Variants in GRIN2A observed in about 807,000 individuals in gnomAD.
GRIN2A encodes glutamate ionotropic receptor NMDA type subunit 2A.
A neutral mutation model predicts 113.4 loss-of-function variants in GRIN2A; 22 were observed. That is an observed-to-expected ratio of 0.19 (90% confidence interval 0.14 to 0.28). The LOEUF (loss-of-function observed/expected upper bound fraction) is 0.28. GRIN2A is among the 10% of genes least tolerant of loss of function. GRIN2A has a pLI of 1.00. For synonymous variants in GRIN2A, 827 were observed against 738.4 expected (o/e 1.12, Z -1.94); for missense variants, 1,502 against 1,887.0 (o/e 0.80, Z 3.78).
At chr16:10,005,898 A>G (rs1454782473) in intron 2 of GRIN2A, among the ~76,000 whole-genome samples, 1 of 152,238 alleles carries the variant, frequency 6.6e-6, no homozygotes, top group Non-Finnish European at 1.5e-5. Flanking sequence ...ACAGTGACAC[A>G]CACATTTACA....
chr16:10,039,765 G>GGAGGGCGAGGGAGGGGGA (rs2047108796), intron 2 of GRIN2A, among the ~76,000 whole-genome samples: 2 of 112,904 alleles, frequency 1.8e-5, no homozygotes, highest in East Asian at 3.7e-4. Flanking sequence ...AATGTGCAAG[G>GGAGGGCGAGGGAGGGGGA]GAGGGAGAGG....
intron 4 of GRIN2A, among the ~76,000 whole-genome samples, chr16:9,860,773 A>AG (rs2043054404): frequency 6.6e-6 from 1 of 152,096 alleles, no homozygotes; most frequent in South Asian, 2.1e-4. Flanking sequence ...GATGGGCTGT[A>AG]GGGGTGGGGA....
At chr16:9,883,722 G>T (rs1400800009) in intron 4 of GRIN2A, among the ~76,000 whole-genome samples, 1 of 152,228 alleles carries the variant, frequency 6.6e-6, no homozygotes, top group Non-Finnish European at 1.5e-5. Context: ...GGTCAGCCAC[G>T]TGTGGTGCTG....
At chr16:10,120,029 G>A (rs1212657875) in intron 2 of GRIN2A, among the ~76,000 whole-genome samples, 1 of 151,992 alleles carries the variant, frequency 6.6e-6, no homozygotes, top group South Asian at 2.1e-4. Context: ...TTGTGAATAG[G>A]GCTGCAGAAT....
In GRIN2A at chr16:9,753,537, G is replaced by C. The variant is rs1051159032; in HGVS notation, c.*9612C>G. 4.9e-6 allele frequency: 1 copy of C among 202,410 alleles called. No homozygotes were observed. Among genetic ancestry groups the C allele is most frequent in the Non-Finnish European group, 1.0e-5 (1 of 98,462 alleles). The allele number at this position is 202,410 out of a possible 1,614,324, so 12.5% of individuals were successfully genotyped here. Reference sequence around the variant, plus strand: ...GTTATATACATATCAGTTTGCACACGAATTTCAATCCCCATTCCTTAAAAC... The same window carrying C: ...GTTATATACATATCAGTTTGCACACCAATTTCAATCCCCATTCCTTAAAAC... On this transcript the variant is annotated 3_prime_UTR_variant, in exon 13 of 13. Coordinates refer to ENST00000330684, the MANE Select transcript of GRIN2A (RefSeq NM_001134407.3).
At chr16:9,873,107 C>G (rs1360721800) in intron 4 of GRIN2A, among the ~76,000 whole-genome samples, 1 of 152,048 alleles carries the variant, frequency 6.6e-6, no homozygotes, top group African/African-American at 2.4e-5. Flanking sequence ...CATGTTCTCA[C>G]TTGTAAGTGG....
At chr16:10,139,412 G>A (rs1393432350) in intron 2 of GRIN2A, among the ~76,000 whole-genome samples, 1 of 152,194 alleles carries the variant, frequency 6.6e-6, no homozygotes, top group Non-Finnish European at 1.5e-5. Flanking sequence ...AATGAAAACA[G>A]AAAATAGATC....
intron 2 of GRIN2A, among the ~76,000 whole-genome samples, chr16:10,128,642 C>T (rs2048996779): frequency 6.6e-6 from 1 of 152,214 alleles, no homozygotes; most frequent in African/African-American, 2.4e-5. Flanking sequence ...CTCCCCCTCT[C>T]TCCAACAGAT....
chr16:10,095,256 G>A (rs1275101806), intron 2 of GRIN2A, among the ~76,000 whole-genome samples: 1 of 152,106 alleles, frequency 6.6e-6, no homozygotes, highest in Non-Finnish European at 1.5e-5. Context: ...ATAAATTTTT[G>A]TTGTTTAAGA....
At chr16:9,901,525 C>T (rs2043924266) in intron 3 of GRIN2A, among the ~76,000 whole-genome samples, 1 of 152,088 alleles carries the variant, frequency 6.6e-6, no homozygotes, top group Admixed American at 6.5e-5. Context: ...AATGGTGCGA[C>T]CTCGGCTCAC....
At chr16:9,905,397 C>A (rs536762011) in intron 3 of GRIN2A, among the ~76,000 whole-genome samples, 1 of 152,120 alleles carries the variant, frequency 6.6e-6, no homozygotes, top group Non-Finnish European at 1.5e-5. Flanking sequence ...ATTTCTCATG[C>A]TTTTCAGAAC....
chr16:9,768,764 A>G lies in GRIN2A; in HGVS notation c.2595+87T>C, dbSNP rs191866123. The stretch of plus-strand genomic sequence containing the variant: ...CCAAGAAAGGCTGGTAAGGGGAGGA[A>G]GTGCAGACCCCACTGAGACATCAAG... On this transcript the variant is annotated intron_variant, in intron 12 of 12. Coordinates refer to ENST00000330684, the MANE Select transcript of GRIN2A (RefSeq NM_001134407.3). The G allele has an allele frequency of 5.3e-5, 46 of 870,754 alleles. No homozygotes were observed. In the African/African-American group the frequency reaches 6.2e-4, roughly 12 times the overall value. The allele number at this position is 870,754 out of a possible 1,614,324, so 53.9% of individuals were successfully genotyped here. A position where few individuals can be genotyped will look rare whatever the true frequency, so the allele number is the denominator to read the frequency against.
chr16:9,853,199 C>G (rs965677059), intron 4 of GRIN2A, among the ~76,000 whole-genome samples: 5 of 152,092 alleles, frequency 3.3e-5, no homozygotes, highest in African/African-American at 1.2e-4. Context: ...AGGTGGAGAC[C>G]AGAAAATGCA....
intron 2 of GRIN2A, 105 bp downstream of exon 2, chr16:10,179,893 C>CCCCAGAAAAAA: frequency 1.4e-6 from 1 of 719,818 alleles, no homozygotes. Context: ...CCCCCACCCC[C>CCCCAGAAAAAA]ACTTCACATC....
At chr16:10,073,000 G>C (rs2047789776) in intron 2 of GRIN2A, among the ~76,000 whole-genome samples, 1 of 135,772 alleles carries the variant, frequency 7.4e-6, no homozygotes, top group Non-Finnish European at 1.5e-5. Context: ...CCCAGGCCCA[G>C]GCTGGAGTAC....
chr16:10,001,015 C>T (rs1030146858), intron 2 of GRIN2A, among the ~76,000 whole-genome samples: 7 of 152,110 alleles, frequency 4.6e-5, no homozygotes, highest in African/African-American at 1.7e-4. Flanking sequence ...GGATGATAAA[C>T]AGAAAAATAA....
intron 3 of GRIN2A, among the ~76,000 whole-genome samples, chr16:9,902,591 C>A (rs981872374): frequency 1.3e-5 from 2 of 152,182 alleles, no homozygotes; most frequent in Non-Finnish European, 2.9e-5. Context: ...GTTATTTGAA[C>A]CAAAATCTTT....
chr16:9,819,157 A>G (rs532690089), intron 10 of GRIN2A, among the ~76,000 whole-genome samples: 1 of 152,212 alleles, frequency 6.6e-6, no homozygotes, highest in East Asian at 1.9e-4. Flanking sequence ...TGCAGGGAAA[A>G]CTTTTCACTG....
intron 2 of GRIN2A, among the ~76,000 whole-genome samples, chr16:10,003,082 T>C (rs1004155920): frequency 1.3e-5 from 2 of 152,224 alleles, no homozygotes; most frequent in South Asian, 2.1e-4. Context: ...TAGCTCTTGA[T>C]GCATGGGAAG....
Sources: gnomAD v4.1 joint callset for allele counts (sites outside exome capture counted in the v4.1 genomes callset) on GRCh38, gnomAD v4.1.1 for gene constraint, MANE v1.5 for transcripts, NCBI Gene and HGNC (gene_info 2026-07-23, HGNC 2026-07-21) for gene names.